Variants in STARD13 observed in about 807,000 individuals in gnomAD.
STARD13 encodes the protein StAR related lipid transfer domain containing 13.
In STARD13, 62 loss-of-function variants were observed where a neutral mutation model predicts 106.4. That is an observed-to-expected ratio of 0.58 (90% CI 0.48 to 0.72). The LOEUF is 0.72. Ranked by LOEUF, STARD13 falls within the 30% of genes least tolerant of loss-of-function variation. STARD13 has a pLI of 0.00. For synonymous variants in STARD13, 565 were observed against 553.0 expected (o/e 1.02, Z -0.31); for missense variants, 1,387 against 1,424.0 (o/e 0.97, Z 0.42).
the STARD13 span, among the ~76,000 whole-genome samples, chr13:33,453,138 G>C: frequency 2.6e-5 from 4 of 152,176 alleles, no homozygotes; most frequent in African/African-American, 4.8e-5. Context: ...TAGCTCAATA[G>C]TGCCAGCTTT....
intron 1 of STARD13, among the ~76,000 whole-genome samples, chr13:33,329,828 T>A (rs1329184620): frequency 6.6e-6 from 1 of 151,672 alleles, no homozygotes; most frequent in South Asian, 2.1e-4. Context: ...CTCAGCCTCC[T>A]GCGTAGCTGG....
chr13:33,621,552 T>C, the STARD13 span, among the ~76,000 whole-genome samples: 1,154 of 151,090 alleles, frequency 7.6e-3, 10 homozygotes, highest in Non-Finnish European at 0.012. Context: ...TGGTGGTGGG[T>C]GCCTGTAGTC....
At chr13:33,423,685 G>T in the STARD13 span, among the ~76,000 whole-genome samples, 32 of 152,270 alleles carry the variant, frequency 2.1e-4, no homozygotes, top group African/African-American at 7.7e-4. Flanking sequence ...CAAAGACTTG[G>T]AACCAACCCA....
the STARD13 span, among the ~76,000 whole-genome samples, chr13:33,566,181 GGA>G: frequency 6.7e-6 from 1 of 148,282 alleles, no homozygotes. Context: ...TAAAATATTT[GGA>G]GAGAGGCCAC....
chr13:33,434,118 C>T, the STARD13 span, among the ~76,000 whole-genome samples: 44 of 152,100 alleles, frequency 2.9e-4, no homozygotes, highest in African/African-American at 8.2e-4. Flanking sequence ...TTTAGGACGC[C>T]GAGGCAGGTG....
At chr13:33,107,972 T>C (rs898688102) in intron 12 of STARD13, among the ~76,000 whole-genome samples, 1 of 152,242 alleles carries the variant, frequency 6.6e-6, no homozygotes, top group Non-Finnish European at 1.5e-5. Context: ...AATGGTGATA[T>C]GTGCTTGACA....
At chr13:33,438,712 C>T in the STARD13 span, among the ~76,000 whole-genome samples, 4 of 152,158 alleles carry the variant, frequency 2.6e-5, no homozygotes, top group South Asian at 2.1e-4. Context: ...AGCTGAAGAA[C>T]AGCAGATGAC....
At chr13:33,194,920 A>G (rs563784632) in intron 1 of STARD13, among the ~76,000 whole-genome samples, 3 of 152,244 alleles carry the variant, frequency 2.0e-5, no homozygotes, top group Non-Finnish European at 4.4e-5. Context: ...TACACATACC[A>G]ATATGTTATG....
At chr13:33,612,325 A>AG in the STARD13 span, among the ~76,000 whole-genome samples, 1 of 152,222 alleles carries the variant, frequency 6.6e-6, no homozygotes, top group Non-Finnish European at 1.5e-5. Context: ...GCGAGTCCTT[A>AG]AGACACTTGA....
intron 1 of STARD13, chr13:33,186,041 A>G (rs1236517557): frequency 6.2e-7 from 1 of 1,613,864 alleles, no homozygotes; most frequent in African/African-American, 1.3e-5. Flanking sequence ...AAAGAAATTC[A>G]GAGCAAGGAG....
the STARD13 span, among the ~76,000 whole-genome samples, chr13:33,637,076 T>C: frequency 1.3e-5 from 2 of 152,202 alleles, no homozygotes; most frequent in East Asian, 3.8e-4. Context: ...ATTTGGAATG[T>C]TTTATGTGCC....
chr13:33,388,908 C>T, the STARD13 span, among the ~76,000 whole-genome samples: 1 of 151,554 alleles, frequency 6.6e-6, no homozygotes, highest in Non-Finnish European at 1.5e-5. Flanking sequence ...TGACTCTTTA[C>T]ATCTTTGCCT....
At chr13:33,262,283 G>A (rs1379300239) in intron 1 of STARD13, among the ~76,000 whole-genome samples, 1 of 152,164 alleles carries the variant, frequency 6.6e-6, no homozygotes, top group African/African-American at 2.4e-5. Flanking sequence ...CATGAATCAG[G>A]TGTCAATGGG....
At chr13:33,348,936 T>C (rs1483901146) in exon 2 of STARD13, 1 of 562,862 alleles carries the variant, frequency 1.8e-6, no homozygotes, top group East Asian at 2.9e-5. Flanking sequence ...ACTTCTAATT[T>C]AGCTTGCTAG....
At chr13:33,273,247 T>A (rs758352393) in intron 1 of STARD13, among the ~76,000 whole-genome samples, 3 of 152,236 alleles carry the variant, frequency 2.0e-5, no homozygotes, top group Non-Finnish European at 4.4e-5. Flanking sequence ...TGACAATGCA[T>A]GTGGAATTGC....
At chr13:33,289,366 C>A (rs776472831), upstream of STARD13, among the ~76,000 whole-genome samples, 1 of 152,168 alleles carries the variant, frequency 6.6e-6, no homozygotes, top group Non-Finnish European at 1.5e-5. Flanking sequence ...CAGCATTGAG[C>A]ACCTACTATG....
the STARD13 span, among the ~76,000 whole-genome samples, chr13:33,494,766 A>T: frequency 3.3e-5 from 5 of 152,056 alleles, no homozygotes; most frequent in African/African-American, 4.8e-5. Context: ...AATGAGAATG[A>T]CCAGTTGGCC....
the STARD13 span, among the ~76,000 whole-genome samples, chr13:33,482,703 G>A: frequency 9.2e-5 from 14 of 152,284 alleles, no homozygotes; most frequent in African/African-American, 3.1e-4. Context: ...TTTTAATGTG[G>A]TAAGGAAAGA....
intron 1 of STARD13, among the ~76,000 whole-genome samples, chr13:33,246,067 C>T (rs2138267318): frequency 6.6e-6 from 1 of 152,244 alleles, no homozygotes; most frequent in South Asian, 2.1e-4. Context: ...TCCAGAGAAA[C>T]ATTGTAATGA....
Sources: allele counts gnomAD v4.1 joint callset (sites outside exome capture counted in the v4.1 genomes callset), GRCh38; gene constraint gnomAD v4.1.1; transcripts MANE v1.5; gene names NCBI Gene and HGNC (gene_info 2026-07-23, HGNC 2026-07-21).